Variants in CYTH4 observed in about 807,000 individuals in gnomAD.
CYTH4 encodes cytohesin 4.
A neutral mutation model predicts 57.5 loss-of-function variants in CYTH4; 22 were observed. The ratio of observed to expected loss-of-function variants is 0.38; its 90% CI spans 0.27 to 0.55. The LOEUF is 0.55. Among genes scored for constraint, CYTH4 ranks in the 20% least tolerant of loss-of-function variants. CYTH4 has a pLI of 0.74. For missense variants in CYTH4, 420 were observed against 535.6 expected (o/e 0.78, Z 2.13); for synonymous variants, 186 against 206.5 (o/e 0.90, Z 0.85).
At position 37,309,298 on chromosome 22, in the gene CYTH4, C is replaced by T; in HGVS notation, c.783C>T (p.Asp261=). 9 of 1,614,088 alleles carry T rather than the reference C, an allele frequency of 5.6e-6. No homozygotes were observed. Among genetic ancestry groups the T allele is most frequent in the Non-Finnish European group, 7.6e-6 (9 of 1,179,956 alleles). ...NDLTHTFFNP[D]REGWLLKLGG... ...TCACTCACACCTTCTTCAATCCAGA[C>T]CGGGAGGGTTGGCTGCTCAAGCTAG... Residue 261 remains aspartate, a synonymous_variant, in exon 9 of 13, where the codon GAC becomes GAT. Coordinates refer to ENST00000248901, the MANE Select transcript of CYTH4 (RefSeq NM_013385.5).
chr22:37,288,074 T>C (rs577974850), intron 1 of CYTH4, among the ~76,000 whole-genome samples: 13 of 151,716 alleles, frequency 8.6e-5, no homozygotes, highest in Non-Finnish European at 1.3e-4. Flanking sequence ...AGGTCAGGAG[T>C]TCGAGACCAG....
At chr22:37,305,096 C>A (rs1247544443) in intron 8 of CYTH4, among the ~76,000 whole-genome samples, 1 of 152,160 alleles carries the variant, frequency 6.6e-6, no homozygotes, top group East Asian at 1.9e-4. Context: ...TGCGGGCACA[C>A]CTTGTCTGGC....
Position 37,299,239 on chromosome 22 carries a change from C to G in CYTH4, c.367C>G (p.Leu123Val), listed in dbSNP as rs1403440907. ...CTCCTCCCCCAGGGATCCCATCAAC[C>G]TGCAGGTCCTCCAGGCCTTCGTGGA... ...TYLGERDPINLQVLQAFVDCH... is the reference protein window; with the variant it reads ...TYLGERDPINVQVLQAFVDCH... The change falls in exon 6 of 13, where the codon CTG becomes GTG. Residue 123 changes from leucine (L) to valine (V), a missense_variant. By Grantham distance (32) the Leu-to-Val change is conservative. Coordinates refer to ENST00000248901, the MANE Select transcript of CYTH4 (RefSeq NM_013385.5). The G allele has an allele frequency of 1.9e-6, 3 of 1,614,118 alleles. No individual in the cohort carries two copies. The highest frequency in any genetic ancestry group is 2.2e-5 in the East Asian group (1 of 44,872).
Position 37,299,230 on chromosome 22 carries a change from C to A in CYTH4, c.358C>A (p.Pro120Thr). Reference protein sequence around the residue: ...AIGTYLGERDPINLQVLQAFV... With the variant: ...AIGTYLGERDTINLQVLQAFV... ...CCCTTCCGCCTCCTCCCCCAGGGAT[C>A]CCATCAACCTGCAGGTCCTCCAGGC... is the stretch of plus-strand genomic sequence containing the variant. Residue 120 changes from proline (P) to threonine (T), a missense_variant, in exon 6 of 13, where the codon CCC becomes ACC. Transcript: ENST00000248901. 1.3e-6 allele frequency: 2 copies of A among 1,575,572 alleles called. No individual in the cohort carries two copies. Among genetic ancestry groups the A allele is most frequent in the East Asian group, 2.3e-5 (1 of 43,296 alleles).
At chr22:37,304,698 G>A (rs912105037) in intron 8 of CYTH4, among the ~76,000 whole-genome samples, 6 of 152,198 alleles carry the variant, frequency 3.9e-5, no homozygotes, top group Non-Finnish European at 7.3e-5. Context: ...AAAGGAGAAA[G>A]TACATCAGAG....
At position 37,312,164 on chromosome 22, in the gene CYTH4, G is replaced by A. The variant is rs1024876982; in HGVS notation, c.1102G>A (p.Glu368Lys). ...TSAEERDQWI[E>K]SIRASITRVP... Reference sequence around the variant, plus strand: ...TGCCGAGGAACGTGACCAGTGGATCGAGTCCATCCGGTAAGGGGTGCCCAG... The same window carrying A: ...TGCCGAGGAACGTGACCAGTGGATCAAGTCCATCCGGTAAGGGGTGCCCAG... The change falls in exon 12 of 13, where the codon GAG becomes AAG. Residue 368 changes from glutamate (E) to lysine (K), a missense_variant. Physicochemically the swap from Glu to Lys is moderately conservative, Grantham distance 56 (BLOSUM62 1). Transcript: ENST00000248901. 5.6e-6 allele frequency: 9 copies of A among 1,613,998 alleles called. No individual in the cohort carries two copies. The highest frequency in any genetic ancestry group is 1.1e-5 in the South Asian group (1 of 91,096).
intron 1 of CYTH4, among the ~76,000 whole-genome samples, chr22:37,283,762 T>C (rs1928450248): frequency 6.6e-6 from 1 of 152,126 alleles, no homozygotes; most frequent in African/African-American, 2.4e-5. Context: ...CCATGGGCTT[T>C]GGGGGCTCCC....
chr22:37,290,171 G>A (rs1928700315), intron 1 of CYTH4, among the ~76,000 whole-genome samples: 1 of 152,138 alleles, frequency 6.6e-6, no homozygotes, highest in African/African-American at 2.4e-5. Flanking sequence ...AGCTGGACCT[G>A]GAAGGACTTC....
At chr22:37,308,285 G>C (rs1018725019) in intron 8 of CYTH4, among the ~76,000 whole-genome samples, 3 of 152,216 alleles carry the variant, frequency 2.0e-5, no homozygotes, top group Non-Finnish European at 2.9e-5. Flanking sequence ...CCCAGAGACA[G>C]AGAGACAGAA....
At chr22:37,313,328 G>A (rs1929718711) in intron 12 of CYTH4, 111 bp from the exon 13 acceptor site, 1 of 1,094,152 alleles carries the variant, frequency 9.1e-7, no homozygotes, top group Non-Finnish European at 1.4e-6. Flanking sequence ...CCCCGCGGCA[G>A]AGCAGGCTGA....
chr22:37,299,207 C>CA lies in CYTH4; in HGVS notation c.354-19_354-18insA. On this transcript the variant is annotated intron_variant, in intron 5 of 12. Transcript: ENST00000248901. Reference sequence around the variant, plus strand: ...AGTATCCAAGTGTGTCCCACCCTCCCTTCCGCCTCCTCCCCCAGGGATCCC... The same window carrying CA: ...AGTATCCAAGTGTGTCCCACCCTCCCATTCCGCCTCCTCCCCCAGGGATCCC... 3 of 1,561,926 alleles carry CA rather than the reference C, an allele frequency of 1.9e-6. No homozygotes were observed. The highest frequency in any genetic ancestry group is 2.6e-6 in the Non-Finnish European group (3 of 1,134,606).
At chr22:37,312,252 A>G in intron 12 of CYTH4, 78 bp downstream of exon 12, 1 of 1,567,468 alleles carries the variant, frequency 6.4e-7, no homozygotes, top group Non-Finnish European at 8.7e-7. Context: ...TTGCTTCCTT[A>G]TCTGTAAAGG....
In CYTH4 at chr22:37,313,685, A is replaced by T. The variant is rs1367676090; in HGVS notation, c.*174A>T. Reference sequence around the variant, plus strand: ...GGCAGAGCTCAGGAGGGTGGGTGGGAGCTGCAGTGGGCTCAGAGTCCAGCA... The same window carrying T: ...GGCAGAGCTCAGGAGGGTGGGTGGGTGCTGCAGTGGGCTCAGAGTCCAGCA... On this transcript the variant is annotated 3_prime_UTR_variant, in exon 13 of 13. Transcript: ENST00000248901. The T allele has an allele frequency of 3.1e-6, 2 of 648,488 alleles. No homozygotes were observed. Among genetic ancestry groups the T allele is most frequent in the Non-Finnish European group, 5.3e-6 (2 of 374,012 alleles). The allele number at this position is 648,488 out of a possible 1,614,324, so 40.2% of individuals were successfully genotyped here.
chr22:37,289,970 GT>G (rs1361665238), intron 1 of CYTH4, among the ~76,000 whole-genome samples: 1 of 152,182 alleles, frequency 6.6e-6, no homozygotes, highest in Non-Finnish European at 1.5e-5. Flanking sequence ...TCAGGATATA[GT>G]TTTTTATTTA....
At chr22:37,289,687 T>G (rs1928682408) in intron 1 of CYTH4, among the ~76,000 whole-genome samples, 1 of 152,192 alleles carries the variant, frequency 6.6e-6, no homozygotes, top group Non-Finnish European at 1.5e-5. Flanking sequence ...GGGTTACTAT[T>G]GGGCTCGCTT....
intron 1 of CYTH4, among the ~76,000 whole-genome samples, chr22:37,290,081 G>A (rs56296237): frequency 0.035 from 5,276 of 152,198 alleles, 306 homozygotes; most frequent in African/African-American, 0.12. Flanking sequence ...ACCAATATGG[G>A]CTCAAGTACC....
At chr22:37,297,054 A>C (rs1347433057) in intron 4 of CYTH4, among the ~76,000 whole-genome samples, 2 of 152,238 alleles carry the variant, frequency 1.3e-5, no homozygotes, top group African/African-American at 2.4e-5. Flanking sequence ...TAGAAAGGGA[A>C]GGAAGGTCAC....
chr22:37,300,364 G>A (rs1929135613), intron 6 of CYTH4: 2 of 661,278 alleles, frequency 3.0e-6, no homozygotes, highest in East Asian at 2.7e-5. Context: ...CCTTTGCTAG[G>A]TGCCCAGGAC....
In CYTH4 at chr22:37,309,270, A is replaced by C; in HGVS notation, c.755A>C (p.Asp252Ala). 1 of 1,614,034 alleles carries C rather than the reference A, an allele frequency of 6.2e-7. No homozygotes were observed. The highest frequency in any genetic ancestry group is 8.5e-7 in the Non-Finnish European group (1 of 1,179,958). ...TCCATCCCTGAGGACGACGGCAATG[A>C]CCTCACTCACACCTTCTTCAATCCA... is the stretch of plus-strand genomic sequence containing the variant. ...PFSIPEDDGN[D>A]LTHTFFNPDR... Residue 252 changes from aspartate (D) to alanine (A), a missense_variant, in exon 9 of 13, where the codon GAC becomes GCC. Asp to Ala is a moderately radical substitution (Grantham distance 126). Transcript: ENST00000248901.
Sources: gnomAD v4.1 joint callset for allele counts (sites outside exome capture counted in the v4.1 genomes callset) on GRCh38, gnomAD v4.1.1 for gene constraint, MANE v1.5 for transcripts, NCBI Gene and HGNC (gene_info 2026-07-23, HGNC 2026-07-21) for gene names.